NAV2: variants seen among roughly 807,000 people sequenced by gnomAD.
NAV2 encodes the protein neuron navigator 2.
In NAV2, 54 loss-of-function variants were observed where a neutral mutation model predicts 223.2. That is an observed-to-expected ratio of 0.24 (90% CI 0.19 to 0.30). The LOEUF (loss-of-function observed/expected upper bound fraction) is 0.30. NAV2 is among the 10% of genes least tolerant of loss of function. The probability of loss-of-function intolerance (pLI) is 1.00; values close to 1 mark genes in which losing one functional copy is unlikely to be tolerated. For synonymous variants in NAV2, 1,279 were observed against 1,239.3 expected (o/e 1.03, Z -0.67); for missense variants, 2,806 against 3,147.5 (o/e 0.89, Z 2.60).
intron 1 of NAV2, among the ~76,000 whole-genome samples, chr11:19,530,184 T>G (rs1333530180): frequency 6.6e-6 from 1 of 151,978 alleles, no homozygotes; most frequent in African/African-American, 2.4e-5. Flanking sequence ...AAAGAGGCGG[T>G]GTGGGGACTG....
chr11:20,063,730 A>G (rs143261170), intron 20 of NAV2, among the ~76,000 whole-genome samples: 20 of 152,316 alleles, frequency 1.3e-4, no homozygotes, highest in African/African-American at 4.6e-4. Flanking sequence ...TACAGGGAAA[A>G]AAAAAGTCTC....
chr11:19,996,749 T>G (rs1255142556), intron 11 of NAV2, among the ~76,000 whole-genome samples: 1 of 152,192 alleles, frequency 6.6e-6, no homozygotes, highest in Non-Finnish European at 1.5e-5. Context: ...AGTCCTGTTA[T>G]TTTCGCTCGT....
At chr11:19,666,846 G>A (rs12574517) in intron 1 of NAV2, among the ~76,000 whole-genome samples, 109,904 of 152,070 alleles carry the variant, frequency 0.72, 45,164 homozygotes, top group Non-Finnish European at 0.91. Flanking sequence ...AGGTGTTTAG[G>A]TATCAACCCA....
chr11:20,046,596 T>TCAAACACACACA (rs142368792), intron 14 of NAV2, among the ~76,000 whole-genome samples: 25 of 145,976 alleles, frequency 1.7e-4, no homozygotes, highest in African/African-American at 5.6e-4. Flanking sequence ...CCCCTCCCCA[T>TCAAACACACACA]CACACACACA....
rs141167372 is a variant in NAV2, at chr11:19,800,217, C to T, written c.268-32267C>T. ...CCTGCACACTAGAGTTTGCTGTCCT[C>T]GCTGGCAGTTCTGTATAGGGAGAGT... On this transcript the variant is annotated intron_variant, in intron 1 of 37. Transcript: ENST00000349880. 3.3e-5 allele frequency among the ~76,000 whole-genome samples: 5 copies of T among 152,328 alleles called. No individual in the cohort carries two copies. The East Asian group carries it at 7.7e-4, about 24-fold the overall frequency.
rs540801174 is a variant in NAV2, at chr11:19,937,094, C to T, written c.2034-2567C>T. ...CGGAGGTTGCAGTGAGCCATGATCA[C>T]GCCACTGCACACCAGCCTGGGCAAC... On this transcript the variant is annotated intron_variant, in intron 7 of 37. Coordinates refer to ENST00000349880, the MANE Select transcript of NAV2 (RefSeq NM_145117.5). Among the ~76,000 whole-genome samples, 15 of 152,214 alleles carry T rather than the reference C, an allele frequency of 9.9e-5. No individual in the cohort carries two copies. In the East Asian group the frequency reaches 1.5e-3, roughly 16 times the overall value.
chr11:19,534,092 C>T (rs183869410), intron 1 of NAV2, among the ~76,000 whole-genome samples: 33 of 152,340 alleles, frequency 2.2e-4, no homozygotes, highest in Admixed American at 1.8e-3. Flanking sequence ...CTTGTGGCTC[C>T]TCTTCATTTG....
In NAV2 at chr11:19,622,308, C is replaced by G. The variant is rs146716250; in HGVS notation, c.76-210176C>G. On this transcript the variant is annotated intron_variant, in intron 1 of 37. Coordinates refer to the NAV2 transcript ENST00000360655. ...AGAGCTGAGTTCAATTCCTGGATAT[C>G]CTTTTTAACTTTCTATCTTGTTGAT... Among the ~76,000 whole-genome samples, 1,009 of 152,262 alleles carry G rather than the reference C, an allele frequency of 6.6e-3. 13 individuals carry two copies. The highest frequency in any genetic ancestry group is 0.023 in the African/African-American group (945 of 41,542).
At chr11:20,051,496 C>A (rs559599617) in intron 17 of NAV2, among the ~76,000 whole-genome samples, 163 bp downstream of exon 17, 1 of 152,172 alleles carries the variant, frequency 6.6e-6, no homozygotes, top group Non-Finnish European at 1.5e-5. Flanking sequence ...CCCTCTCGTT[C>A]TCACTCTCCA....
At chr11:19,996,745 G>A (rs2051927995) in intron 11 of NAV2, among the ~76,000 whole-genome samples, 1 of 152,162 alleles carries the variant, frequency 6.6e-6, no homozygotes, top group Admixed American at 6.5e-5. Flanking sequence ...CTGCAGTCCT[G>A]TTATTTTCGC....
intron 1 of NAV2, among the ~76,000 whole-genome samples, chr11:19,747,708 A>T (rs905466613): frequency 6.6e-6 from 1 of 152,216 alleles, no homozygotes; most frequent in Admixed American, 6.5e-5. Context: ...TTTAGGCAGT[A>T]GCATTGATCT....
chr11:19,558,478 G>A (rs1451721038), intron 1 of NAV2, among the ~76,000 whole-genome samples: 1 of 152,192 alleles, frequency 6.6e-6, no homozygotes, highest in Non-Finnish European at 1.5e-5. Context: ...TCAAGAGGTT[G>A]AAAAAGAGAC....
chr11:19,653,117 G>A (rs934678925), intron 1 of NAV2, among the ~76,000 whole-genome samples: 1 of 152,132 alleles, frequency 6.6e-6, no homozygotes, highest in Non-Finnish European at 1.5e-5. Flanking sequence ...CTCTCCTGCT[G>A]TTGGCCTTAA....
intron 1 of NAV2, among the ~76,000 whole-genome samples, chr11:19,636,489 ATTTTTT>A (rs5790080): frequency 2.2e-5 from 3 of 136,232 alleles, no homozygotes; most frequent in African/African-American, 8.2e-5. Flanking sequence ...GTTCTGCAGT[ATTTTTT>A]TTTTTTTTTT....
intron 1 of NAV2, among the ~76,000 whole-genome samples, chr11:19,727,290 G>A (rs746057108): frequency 6.6e-5 from 10 of 152,146 alleles, no homozygotes; most frequent in South Asian, 4.1e-4. Context: ...CATCCAGCCC[G>A]TCTCACAAAT....
Position 20,045,299 on chromosome 11 carries a change from C to G in NAV2, c.3531C>G (p.Asp1177Glu). The change falls in exon 14 of 38, where the codon GAC (aspartate) becomes GAG (glutamate). Residue 1177 changes from aspartate (D) to glutamate (E), a missense_variant. Transcript: ENST00000349880. ...TGGATGGGGCTCAGAATCAGGATGACGGGTATCTAGCCCTAAGCTCCCGGA... is the reference window on the plus strand; with the variant it reads ...TGGATGGGGCTCAGAATCAGGATGAGGGGTATCTAGCCCTAAGCTCCCGGA... ...SSMDGAQNQD[D>E]GYLALSSRTN... 6.2e-7 allele frequency: 1 copy of G among 1,614,136 alleles called. No homozygotes were observed.
In NAV2 at chr11:20,119,081, T is replaced by TC. The variant is rs2063347025; in HGVS notation, c.*824dup. 7.0e-6 allele frequency: 1 copy of TC among 141,956 alleles called. No homozygotes were observed. The highest frequency in any genetic ancestry group is 2.5e-5 in the African/African-American group (1 of 39,328). 8.8% of individuals were successfully genotyped at this position (141,956 alleles called of 1,614,324 possible). A position where few individuals can be genotyped will look rare whatever the true frequency, so the allele number is the denominator to read the frequency against. On this transcript the variant is annotated 3_prime_UTR_variant, in exon 38 of 38. Coordinates refer to ENST00000349880, the MANE Select transcript of NAV2 (RefSeq NM_145117.5). The stretch of plus-strand genomic sequence containing the variant: ...TGAATCAGGTTTTTTTTTTTTTTTT[T>TC]CTGCAAACACTGTGTATAGTGAGAC...
chr11:19,999,169 C>A (rs748004626), intron 11 of NAV2, among the ~76,000 whole-genome samples: 4 of 152,330 alleles, frequency 2.6e-5, no homozygotes, highest in African/African-American at 7.2e-5. Context: ...GGGCATCAGT[C>A]GGCTGTAAGC....
chr11:19,829,777 A>T (rs1159062592), intron 1 of NAV2, among the ~76,000 whole-genome samples: 1 of 152,154 alleles, frequency 6.6e-6, no homozygotes, highest in East Asian at 1.9e-4. Flanking sequence ...AGGCACTTCC[A>T]TATAGTCCCA....
Sources: gnomAD v4.1 joint callset for allele counts (sites outside exome capture counted in the v4.1 genomes callset) on GRCh38, gnomAD v4.1.1 for gene constraint, MANE v1.5 for transcripts, NCBI Gene and HGNC (gene_info 2026-07-23, HGNC 2026-07-21) for gene names.